The following EVL variants were observed in gnomAD, a reference collection of about 807,000 sequenced individuals.
EVL encodes Enah/Vasp-like, also known as ena/VASP-like protein.
Under a neutral mutation model 59.6 loss-of-function variants are expected in EVL, and 21 were observed. The observed-to-expected ratio is 0.35, with a 90% CI of 0.25 to 0.51. The LOEUF (loss-of-function observed/expected upper bound fraction) is 0.51, where lower values mean the gene tolerates loss of function less well. Ranked by LOEUF, EVL falls within the 20% of genes least tolerant of loss-of-function variation. The probability of loss-of-function intolerance (pLI) is 0.97; values close to 1 mark genes in which losing one functional copy is unlikely to be tolerated. For synonymous variants in EVL, 198 were observed against 203.5 expected (o/e 0.97, Z 0.23); for missense variants, 462 against 546.6 (o/e 0.85, Z 1.54).
chr14:100,032,050 C>A (rs74084449), intron 1 of EVL, among the ~76,000 whole-genome samples: 7,108 of 152,268 alleles, frequency 0.047, 610 homozygotes, highest in African/African-American at 0.16. Flanking sequence ...TGTATCAAGT[C>A]AAGATAGAGG....
At chr14:100,094,513 G>A (rs192251803) in intron 2 of EVL, among the ~76,000 whole-genome samples, 15 of 152,108 alleles carry the variant, frequency 9.9e-5, no homozygotes, top group Non-Finnish European at 1.6e-4. Context: ...AGGCCAAGGC[G>A]GGAGCATTAC....
rs529227437 is a variant in EVL, at chr14:100,107,372, G to A, written c.358+9714G>A. On this transcript the variant is annotated intron_variant, in intron 3 of 13. Transcript: ENST00000392920. ...GTGTAGAAGGCAGATAGTCTAGGCCGGGGTAGGGCCAGTGAGTGGGAGCCA... is the reference window on the plus strand; with the variant it reads ...GTGTAGAAGGCAGATAGTCTAGGCCAGGGTAGGGCCAGTGAGTGGGAGCCA... 9 of 398,284 alleles carry A rather than the reference G, an allele frequency of 2.3e-5. No homozygotes were observed. In the South Asian group the frequency reaches 5.3e-4, roughly 24 times the overall value. 24.7% of individuals were successfully genotyped at this position (398,284 alleles called of 1,614,324 possible). A position where few individuals can be genotyped will look rare whatever the true frequency, so the allele number is the denominator to read the frequency against.
chr14:99,984,235 C>T (rs2060826212), intron 1 of EVL, among the ~76,000 whole-genome samples: 1 of 152,194 alleles, frequency 6.6e-6, no homozygotes, highest in Non-Finnish European at 1.5e-5. Context: ...TCTGTTGTGT[C>T]CTTACTGCTG....
At chr14:100,105,830 C>T (rs1214275867) in intron 3 of EVL, among the ~76,000 whole-genome samples, 2 of 152,052 alleles carry the variant, frequency 1.3e-5, no homozygotes, top group Non-Finnish European at 2.9e-5. Flanking sequence ...CAGCAGCAGC[C>T]GCTTGGCCAC....
chr14:100,027,605 A>T (rs1045488469), intron 1 of EVL, among the ~76,000 whole-genome samples: 2 of 152,114 alleles, frequency 1.3e-5, no homozygotes, highest in South Asian at 4.1e-4. Context: ...ATGGCTGAAT[A>T]ATATTCTACT....
chr14:100,020,461 G>C (rs1348755985), intron 1 of EVL, among the ~76,000 whole-genome samples: 1 of 151,556 alleles, frequency 6.6e-6, no homozygotes, highest in Non-Finnish European at 1.5e-5. Flanking sequence ...ATATGGAAGA[G>C]AGTGTGTGTG....
chr14:100,026,996 G>A (rs976157401), intron 1 of EVL, among the ~76,000 whole-genome samples: 5 of 152,156 alleles, frequency 3.3e-5, no homozygotes, highest in African/African-American at 1.2e-4. Flanking sequence ...GAATAGAGCA[G>A]GTAAGACAGG....
chr14:99,983,203 G>A (rs2060819019), intron 1 of EVL, among the ~76,000 whole-genome samples: 1 of 152,174 alleles, frequency 6.6e-6, no homozygotes, highest in African/African-American at 2.4e-5. Context: ...TGCTATTGAT[G>A]CATCACCTTC....
intron 1 of EVL, among the ~76,000 whole-genome samples, chr14:99,994,390 G>A (rs182984892): frequency 9.5e-4 from 143 of 149,842 alleles, no homozygotes; most frequent in African/African-American, 3.5e-3. Flanking sequence ...GATTTTTTTT[G>A]TAGTGACATA....
At chr14:100,009,245 G>A (rs1258299080) in intron 1 of EVL, among the ~76,000 whole-genome samples, 1 of 152,178 alleles carries the variant, frequency 6.6e-6, no homozygotes, top group Non-Finnish European at 1.5e-5. Flanking sequence ...GAAAACATGG[G>A]AACTACTGCT....
At chr14:99,999,374 C>T (rs1427957199) in intron 1 of EVL, among the ~76,000 whole-genome samples, 2 of 152,208 alleles carry the variant, frequency 1.3e-5, no homozygotes, top group Non-Finnish European at 2.9e-5. Context: ...CTCTCTGTCC[C>T]TCAGGTTCCT....
chr14:99,996,291 C>T (rs990983652), intron 1 of EVL, among the ~76,000 whole-genome samples: 7 of 152,104 alleles, frequency 4.6e-5, no homozygotes, highest in Admixed American at 2.6e-4. Flanking sequence ...TAACTGGTTT[C>T]TGGATTTCTC....
At chr14:100,141,937 T>C (rs4905933) in intron 13 of EVL, 144 bp downstream of exon 13, 291,725 of 594,458 alleles carry the variant, frequency 0.49, 74,596 homozygotes, top group Admixed American at 0.57. Flanking sequence ...TTACCATCTC[T>C]AGTTGAGGAA....
At chr14:100,000,671 G>A (rs1270781473) in intron 1 of EVL, among the ~76,000 whole-genome samples, 5 of 152,128 alleles carry the variant, frequency 3.3e-5, no homozygotes, top group Admixed American at 3.3e-4. Context: ...CCTTTCCAAA[G>A]GAGGCGATCA....
intron 1 of EVL, among the ~76,000 whole-genome samples, chr14:100,002,815 A>G (rs2060954089): frequency 6.6e-6 from 1 of 152,266 alleles, no homozygotes; most frequent in African/African-American, 2.4e-5. Flanking sequence ...TTCCATAAAA[A>G]GGTGAAAACC....
chr14:100,048,785 A>G (rs1396084249), intron 1 of EVL, among the ~76,000 whole-genome samples: 1 of 152,222 alleles, frequency 6.6e-6, no homozygotes, highest in Non-Finnish European at 1.5e-5. Context: ...AACTAACACA[A>G]CAGCTCGGAT....
chr14:100,128,528 T>A lies in EVL; in HGVS notation c.497T>A (p.Leu166His). The A allele has an allele frequency of 6.2e-7, 1 of 1,611,526 alleles. No individual in the cohort carries two copies. The highest frequency in any genetic ancestry group is 8.5e-7 in the Non-Finnish European group (1 of 1,179,808). Reference protein sequence around the residue: ...ERRTSATGPILPPGHPSSAAS... With the variant: ...ERRTSATGPIHPPGHPSSAAS... ...CACTGTTGTGTTTCAGGGCCCATCC[T>A]CCCACCAGGACATCCTTCATCTGCA... Residue 166 changes from leucine to histidine, a missense_variant, in exon 6 of 14, where the codon CTC becomes CAC. Transcript: ENST00000392920.
chr14:100,070,375 T>G (rs1236887229), intron 1 of EVL, among the ~76,000 whole-genome samples: 2 of 152,192 alleles, frequency 1.3e-5, no homozygotes, highest in Non-Finnish European at 2.9e-5. Flanking sequence ...CCTCTCAGCT[T>G]TAACTTCTCA....
chr14:99,996,336 T>C (rs571181574), intron 1 of EVL, among the ~76,000 whole-genome samples: 1 of 152,242 alleles, frequency 6.6e-6, no homozygotes, highest in East Asian at 1.9e-4. Context: ...TTCATCTCCA[T>C]AGGGGAAGGA....
Sources: allele counts gnomAD v4.1 joint callset (sites outside exome capture counted in the v4.1 genomes callset), GRCh38; gene constraint gnomAD v4.1.1; transcripts MANE v1.5; gene names NCBI Gene and HGNC (gene_info 2026-07-23, HGNC 2026-07-21).